The following CACNB2 variants were observed in gnomAD, a reference collection of about 807,000 sequenced individuals.
CACNB2 encodes voltage-dependent L-type calcium channel subunit beta-2.
A neutral mutation model predicts 73.3 loss-of-function variants in CACNB2; 42 were observed. That is an observed-to-expected ratio of 0.57 (90% CI 0.45 to 0.74). The LOEUF is 0.74. Among genes scored for constraint, CACNB2 ranks in the 30% least tolerant of loss-of-function variants. The pLI is 0.00. For missense variants in CACNB2, 940 were observed against 853.0 expected (o/e 1.10, Z -1.27); for synonymous variants, 348 against 310.3 (o/e 1.12, Z -1.28).
chr10:18,539,421 G>GGAGAGTCGAGACTCTGCCTACGTA lies in CACNB2; in HGVS notation c.1684_1707dup (p.Ser562_Glu569dup), dbSNP rs1451052409. 1 of 1,614,020 alleles carries GGAGAGTCGAGACTCTGCCTACGTA rather than the reference G, an allele frequency of 6.2e-7. No individual in the cohort carries two copies. On this transcript the variant is annotated inframe_insertion, in exon 14 of 14. Transcript: ENST00000324631. The stretch of plus-strand genomic sequence containing the variant: ...AAGAGACATTTGACTCGGAAACCCA[G>GGAGAGTCGAGACTCTGCCTACGTA]GAGAGTCGAGACTCTGCCTACGTAG...
intron 2 of CACNB2, among the ~76,000 whole-genome samples, chr10:18,267,195 ATT>A (rs11335257): frequency 1.3e-5 from 2 of 151,312 alleles, no homozygotes; most frequent in African/African-American, 4.8e-5. Flanking sequence ...TTGGAACTGC[ATT>A]TTTTTTTTAT....
intron 2 of CACNB2, among the ~76,000 whole-genome samples, chr10:18,297,573 T>G (rs1221421933): frequency 6.6e-6 from 1 of 152,044 alleles, no homozygotes; most frequent in Non-Finnish European, 1.5e-5. Context: ...AAAGAAAAGT[T>G]TCTCACCATC....
intron 2 of CACNB2, among the ~76,000 whole-genome samples, chr10:18,375,438 C>T (rs573973643): frequency 6.6e-6 from 1 of 152,234 alleles, no homozygotes; most frequent in South Asian, 2.1e-4. Context: ...TTGGATTGAG[C>T]TTTCAGACCT....
At chr10:18,252,666 T>C (rs888423960) in intron 2 of CACNB2, among the ~76,000 whole-genome samples, 1 of 152,210 alleles carries the variant, frequency 6.6e-6, no homozygotes, top group African/African-American at 2.4e-5. Flanking sequence ...AGATGAAATA[T>C]GGTTTTAAAT....
At chr10:18,358,529 TCTCTCTCTCTCTCTCTCTCTCTCG>T (rs1186382104) in intron 2 of CACNB2, among the ~76,000 whole-genome samples, 775 of 35,020 alleles carry the variant, frequency 0.022, 19 homozygotes, top group Non-Finnish European at 0.045. Context: ...TCTCTCTCTC[TCTCTCTCTCTCTCTCTCTCTCTCG>T]CTCTCTCTCT....
At chr10:18,524,017 A>G (rs1189595010) in intron 9 of CACNB2, among the ~76,000 whole-genome samples, 1 of 152,120 alleles carries the variant, frequency 6.6e-6, no homozygotes, top group Non-Finnish European at 1.5e-5. Context: ...TGTCAGATCA[A>G]AGAAGAAATA....
At chr10:18,477,992 A>G (rs2132812641) in intron 3 of CACNB2, among the ~76,000 whole-genome samples, 1 of 152,102 alleles carries the variant, frequency 6.6e-6, no homozygotes, top group South Asian at 2.1e-4. Flanking sequence ...TGGAGTGCAA[A>G]GGCGCCATCT....
chr10:18,329,700 C>A (rs1264045808), intron 2 of CACNB2, among the ~76,000 whole-genome samples: 1 of 151,862 alleles, frequency 6.6e-6, no homozygotes, highest in African/African-American at 2.4e-5. Context: ...GTGCTTTGTA[C>A]CTCATGATCT....
At chr10:18,536,436 T>A (rs968678544) in intron 12 of CACNB2, among the ~76,000 whole-genome samples, 1 of 151,340 alleles carries the variant, frequency 6.6e-6, no homozygotes, top group Non-Finnish European at 1.5e-5. Context: ...CTTTTTTTTT[T>A]CCCCCTGTAG....
chr10:18,205,598 A>T (rs148915945), intron 2 of CACNB2, among the ~76,000 whole-genome samples: 107 of 152,330 alleles, frequency 7.0e-4, no homozygotes, highest in Non-Finnish European at 1.4e-3. Context: ...TTTAAACAAC[A>T]AAATTCTATG....
In CACNB2 at chr10:18,316,153, A is replaced by G. The variant is rs575993884; in HGVS notation, c.214-85771A>G. 1.6e-3 allele frequency among the ~76,000 whole-genome samples: 245 copies of G among 152,238 alleles called. 1 individual carries two copies. Among genetic ancestry groups the G allele is most frequent in the Admixed American group, 3.7e-3 (56 of 15,274 alleles). On this transcript the variant is annotated intron_variant, in intron 2 of 13. Coordinates refer to ENST00000324631, the MANE Select transcript of CACNB2 (RefSeq NM_201596.3). ...ATGTGTGTGTGTAATTTACATTTAC[A>G]TTTACATTTACATATATATGTAAAT... is the stretch of plus-strand genomic sequence containing the variant.
At chr10:18,288,676 T>TATACACACACACACACACACAC (rs1554785394) in intron 2 of CACNB2, among the ~76,000 whole-genome samples, 43 of 144,314 alleles carry the variant, frequency 3.0e-4, no homozygotes, top group African/African-American at 1.1e-3. Flanking sequence ...ATGAGATTTA[T>TATACACACACACACACACACAC]ACACACACAC....
intron 2 of CACNB2, among the ~76,000 whole-genome samples, chr10:18,387,958 T>C (rs2043304718): frequency 6.6e-6 from 1 of 152,078 alleles, no homozygotes; most frequent in South Asian, 2.1e-4. Context: ...GGTCTCGTTA[T>C]GTTGTCCACA....
rs1228087978 is a variant in CACNB2 at position 18,348,413 on chromosome 10, G to C, written c.214-53511G>C. 2.6e-5 allele frequency among the ~76,000 whole-genome samples: 4 copies of C among 152,296 alleles called. No individual in the cohort carries two copies. The East Asian group carries it at 5.8e-4, about 22-fold the overall frequency. On this transcript the variant is annotated intron_variant, in intron 2 of 13. Coordinates refer to ENST00000324631, the MANE Select transcript of CACNB2 (RefSeq NM_201596.3). Reference sequence around the variant, plus strand: ...TGTAGCTGGAATACAGAGGCCCAAGGTGGTTATATGGGCTAAATTTGAACT... The same window carrying C: ...TGTAGCTGGAATACAGAGGCCCAAGCTGGTTATATGGGCTAAATTTGAACT...
chr10:18,330,962 C>T lies in CACNB2; in HGVS notation c.214-70962C>T, dbSNP rs146946048. On this transcript the variant is annotated intron_variant, in intron 2 of 13. Coordinates refer to ENST00000324631, the MANE Select transcript of CACNB2 (RefSeq NM_201596.3). ...GATTACAGGTGTGAGCCACCGTGCCCGGCCTTTTTATCTTCTGCACCATGC... is the reference window on the plus strand; with the variant it reads ...GATTACAGGTGTGAGCCACCGTGCCTGGCCTTTTTATCTTCTGCACCATGC... Among the ~76,000 whole-genome samples the T allele has an allele frequency of 2.7e-3, 389 of 146,062 alleles. 3 individuals are homozygous for T. The highest frequency in any genetic ancestry group is 9.2e-3 in the African/African-American group (364 of 39,576).
At chr10:18,240,576 A>G (rs1424817092) in intron 2 of CACNB2, among the ~76,000 whole-genome samples, 1 of 152,160 alleles carries the variant, frequency 6.6e-6, no homozygotes, top group Non-Finnish European at 1.5e-5. Flanking sequence ...CCTCAGACTC[A>G]ACACATCCAA....
chr10:18,388,754 A>G (rs2043339662), intron 2 of CACNB2, among the ~76,000 whole-genome samples: 1 of 152,226 alleles, frequency 6.6e-6, no homozygotes, highest in Non-Finnish European at 1.5e-5. Context: ...ATTTCTATAC[A>G]TTATACACAG....
At chr10:18,149,090 A>G (rs1163076626) in intron 1 of CACNB2, among the ~76,000 whole-genome samples, 1 of 152,086 alleles carries the variant, frequency 6.6e-6, no homozygotes, top group East Asian at 1.9e-4. Context: ...TAAACGGTGA[A>G]TTTAACAAAG....
chr10:18,342,903 C>T (rs1187174619), intron 2 of CACNB2, among the ~76,000 whole-genome samples: 1 of 152,006 alleles, frequency 6.6e-6, no homozygotes, highest in Non-Finnish European at 1.5e-5. Flanking sequence ...GCTGAATAAA[C>T]TGTGTGGTCT....
Sources: gnomAD v4.1 joint callset for allele counts (sites outside exome capture counted in the v4.1 genomes callset) on GRCh38, gnomAD v4.1.1 for gene constraint, MANE v1.5 for transcripts, NCBI Gene and HGNC (gene_info 2026-07-23, HGNC 2026-07-21) for gene names.